Variants in ARL15 observed in about 807,000 individuals in gnomAD.
The protein encoded by ARL15 is ARF like GTPase 15, also known as ADP-ribosylation factor-like protein 15.
ARL15 carries 19 observed loss-of-function variants against 25.2 expected under a neutral mutation model. That is an observed-to-expected ratio of 0.75 (90% confidence interval 0.53 to 1.10). The LOEUF (loss-of-function observed/expected upper bound fraction) is 1.10. ARL15 is among the 50% of genes least tolerant of loss of function. ARL15 has a pLI of 0.00. For missense variants in ARL15, 220 were observed against 246.0 expected (o/e 0.89, Z 0.71); for synonymous variants, 94 against 86.8 (o/e 1.08, Z -0.46).
chr5:54,148,421 A>ACAAAAATCATTCAAT (rs1753972416), intron 3 of ARL15, among the ~76,000 whole-genome samples: 1 of 152,240 alleles, frequency 6.6e-6, no homozygotes, highest in Non-Finnish European at 1.5e-5. Flanking sequence ...CTGACAATCC[A>ACAAAAATCATTCAAT]CAAAAATCAT....
intron 1 of ARL15, among the ~76,000 whole-genome samples, chr5:54,305,592 A>C (rs567675683): frequency 6.6e-6 from 1 of 152,380 alleles, no homozygotes; most frequent in Non-Finnish European, 1.5e-5. Context: ...GAACTAACTA[A>C]CATAGCACAG....
At chr5:54,113,632 A>C (rs1235225806) in intron 3 of ARL15, among the ~76,000 whole-genome samples, 1 of 152,262 alleles carries the variant, frequency 6.6e-6, no homozygotes, top group African/African-American at 2.4e-5. Context: ...GAAGGAAGAC[A>C]CAAAATCCAA....
chr5:54,163,779 T>C (rs941825326), intron 2 of ARL15, among the ~76,000 whole-genome samples: 5 of 151,992 alleles, frequency 3.3e-5, no homozygotes, highest in African/African-American at 1.2e-4. Flanking sequence ...TATTGGTTAT[T>C]TGTGTCTTTT....
chr5:54,121,258 G>A (rs1253836045), intron 3 of ARL15, among the ~76,000 whole-genome samples: 1 of 152,050 alleles, frequency 6.6e-6, no homozygotes, highest in Non-Finnish European at 1.5e-5. Context: ...ACTCACATTT[G>A]CTCTTTCATC....
At chr5:54,200,224 G>A (rs960925091) in intron 1 of ARL15, among the ~76,000 whole-genome samples, 13 of 151,300 alleles carry the variant, frequency 8.6e-5, no homozygotes, top group Non-Finnish European at 1.6e-4. Context: ...CAGCGCACCA[G>A]CATGGCACAT....
chr5:53,977,230 G>A (rs563263799), intron 4 of ARL15, among the ~76,000 whole-genome samples: 10 of 151,998 alleles, frequency 6.6e-5, no homozygotes, highest in Admixed American at 1.3e-4. Context: ...GGTGGCGGGC[G>A]CCTGTAGTCC....
At chr5:54,197,474 C>T (rs1271327289) in intron 1 of ARL15, among the ~76,000 whole-genome samples, 1 of 152,130 alleles carries the variant, frequency 6.6e-6, no homozygotes, top group Non-Finnish European at 1.5e-5. Flanking sequence ...TACAAGCACT[C>T]TGTTCAGCAC....
intron 1 of ARL15, among the ~76,000 whole-genome samples, chr5:54,269,016 A>G (rs1757705767): frequency 6.6e-6 from 1 of 151,992 alleles, no homozygotes; most frequent in Non-Finnish European, 1.5e-5. Context: ...GTGGGAATTG[A>G]ACAATGAGAA....
At chr5:54,205,396 T>C (rs1163936687) in intron 1 of ARL15, among the ~76,000 whole-genome samples, 1 of 152,136 alleles carries the variant, frequency 6.6e-6, no homozygotes, top group East Asian at 1.9e-4. Context: ...GCACTGCCTG[T>C]TAGGGAAAAC....
chr5:54,167,510 T>C (rs1278219955), intron 2 of ARL15, among the ~76,000 whole-genome samples: 1 of 152,210 alleles, frequency 6.6e-6, no homozygotes, highest in Non-Finnish European at 1.5e-5. Flanking sequence ...TTGCTTTGTA[T>C]ATTTCATGAG....
chr5:54,004,030 C>T (rs1748938195), intron 4 of ARL15, among the ~76,000 whole-genome samples: 1 of 152,188 alleles, frequency 6.6e-6, no homozygotes, highest in Non-Finnish European at 1.5e-5. Context: ...TAAAATCTCA[C>T]AAAAGCCTTA....
At chr5:54,289,461 A>G (rs986526583) in intron 1 of ARL15, among the ~76,000 whole-genome samples, 1 of 152,228 alleles carries the variant, frequency 6.6e-6, no homozygotes, top group South Asian at 2.1e-4. Flanking sequence ...TATAGACAAT[A>G]AAAGAGATGC....
intron 1 of ARL15, among the ~76,000 whole-genome samples, chr5:54,190,638 A>G (rs1486755179): frequency 6.6e-6 from 1 of 152,162 alleles, no homozygotes; most frequent in Non-Finnish European, 1.5e-5. Flanking sequence ...GAAGCATTGG[A>G]TAAAGGTATT....
intron 4 of ARL15, among the ~76,000 whole-genome samples, chr5:54,006,951 G>A (rs1018962693): frequency 6.6e-6 from 1 of 151,958 alleles, no homozygotes; most frequent in Non-Finnish European, 1.5e-5. Flanking sequence ...AATTAGCCGG[G>A]GTGGTGGTGC....
intron 1 of ARL15, among the ~76,000 whole-genome samples, chr5:54,239,132 A>G (rs1400878773): frequency 6.6e-6 from 1 of 152,196 alleles, no homozygotes; most frequent in Non-Finnish European, 1.5e-5. Context: ...AGGTCAATTT[A>G]TAACATCCGA....
intron 2 of ARL15, among the ~76,000 whole-genome samples, chr5:54,161,683 G>A (rs1185393681): frequency 6.6e-6 from 1 of 152,118 alleles, no homozygotes; most frequent in Admixed American, 6.6e-5. Flanking sequence ...TTCTCTAAGA[G>A]GGACAGCCAT....
chr5:54,098,983 A>G (rs186825635), intron 4 of ARL15, among the ~76,000 whole-genome samples: 157 of 152,336 alleles, frequency 1.0e-3, no homozygotes, highest in African/African-American at 3.6e-3. Flanking sequence ...GCTTTAAAAT[A>G]ATCCGAGTAA....
intron 4 of ARL15, among the ~76,000 whole-genome samples, chr5:54,013,186 T>C (rs1749302301): frequency 6.6e-6 from 1 of 152,260 alleles, no homozygotes; most frequent in South Asian, 2.1e-4. Flanking sequence ...AATTTCATTT[T>C]ACAAGTTAAA....
At chr5:53,984,595 C>T (rs1193116175) in intron 4 of ARL15, among the ~76,000 whole-genome samples, 2 of 152,034 alleles carry the variant, frequency 1.3e-5, no homozygotes, top group Non-Finnish European at 2.9e-5. Flanking sequence ...TCATCATCAA[C>T]AATAACCACC....
Sources: allele counts gnomAD v4.1 joint callset (sites outside exome capture counted in the v4.1 genomes callset), GRCh38; gene constraint gnomAD v4.1.1; transcripts MANE v1.5; gene names NCBI Gene and HGNC (gene_info 2026-07-23, HGNC 2026-07-21).